AHR: variants seen among roughly 807,000 people sequenced by gnomAD.
The protein encoded by AHR is aryl hydrocarbon receptor.
Under a neutral mutation model 86.8 loss-of-function variants are expected in AHR, and 40 were observed. The ratio of observed to expected loss-of-function variants is 0.46; its 90% CI spans 0.36 to 0.60. The LOEUF (loss-of-function observed/expected upper bound fraction) is 0.60. AHR is among the 20% of genes least tolerant of loss of function. The pLI, the probability that AHR is intolerant of heterozygous loss-of-function variation, is 0.00. For missense variants in AHR, 1,001 were observed against 1,011.6 expected, an observed-to-expected ratio of 0.99 and a Z score of 0.14; for synonymous variants, 398 against 354.9, an observed-to-expected ratio of 1.12 and a Z score of -1.37.
chr7:17,313,865 C>T (rs1782090690), intron 2 of AHR, among the ~76,000 whole-genome samples: 1 of 151,950 alleles, frequency 6.6e-6, no homozygotes, highest in South Asian at 2.1e-4. Flanking sequence ...ATCTTTGAAA[C>T]TGGTTGATGT....
At chr7:17,317,616 A>G (rs189813283) in intron 2 of AHR, among the ~76,000 whole-genome samples, 2 of 152,256 alleles carry the variant, frequency 1.3e-5, no homozygotes, top group East Asian at 1.9e-4. Flanking sequence ...CTGTTTCTCA[A>G]AGAATGGCAC....
chr7:17,299,231 C>A lies in AHR; in HGVS notation c.-34C>A, dbSNP rs756138019. On this transcript the variant is annotated 5_prime_UTR_variant, in exon 1 of 11. Coordinates refer to ENST00000242057, the MANE Select transcript of AHR (RefSeq NM_001621.5). ...GGTTCCGGGGACCCGGCCGCCAGTG[C>A]CCGGGGAGTAGCCGCCGCCGTCGGC... The A allele has an allele frequency of 3.7e-6, 6 of 1,605,510 alleles. No individual in the cohort carries two copies. The East Asian group carries it at 1.4e-4, about 36-fold the overall frequency.
chr7:17,309,829 A>G (rs1782043518), intron 1 of AHR, 107 bp from the exon 2 acceptor site: 1 of 988,812 alleles, frequency 1.0e-6, no homozygotes, highest in African/African-American at 1.6e-5. Context: ...GTAGACTTTA[A>G]AAGTTTGTTG....
chr7:17,300,215 G>T (rs958740892), intron 1 of AHR, among the ~76,000 whole-genome samples: 1 of 152,126 alleles, frequency 6.6e-6, no homozygotes. Flanking sequence ...GTGTGTGTCA[G>T]AAAAAACTAT....
Position 17,343,232 on chromosome 7 carries a change from A to T in AHR, c.*168A>T, listed in dbSNP as rs1484662282. ...TTTAATTTTTGCTTTTAGAAAAGGG[A>T]GTTTAAAAATGGTATCAAAATTACA... On this transcript the variant is annotated 3_prime_UTR_variant, in exon 11 of 11. Transcript: ENST00000242057. The T allele has an allele frequency of 3.7e-6, 3 of 814,686 alleles. No individual in the cohort carries two copies. The African/African-American group carries it at 5.2e-5, about 14-fold the overall frequency. The allele number at this position is 814,686 out of a possible 1,614,324, so 50.5% of individuals were successfully genotyped here. A position where few individuals can be genotyped will look rare whatever the true frequency, so the allele number is the denominator to read the frequency against.
chr7:17,329,891 T>C, intron 4 of AHR, 61 bp from the exon 5 acceptor site: 1 of 1,473,910 alleles, frequency 6.8e-7, no homozygotes, highest in Non-Finnish European at 9.1e-7. Flanking sequence ...GCTTTAAAAT[T>C]AATTTAGCCA....
At chr7:17,326,038 C>T (rs1049868853) in intron 3 of AHR, among the ~76,000 whole-genome samples, 12 of 152,060 alleles carry the variant, frequency 7.9e-5, no homozygotes, top group Non-Finnish European at 1.2e-4. Context: ...TAAGTGAGTA[C>T]GCTTTGGAGC....
At chr7:17,322,192 T>C (rs1385022579) in intron 2 of AHR, among the ~76,000 whole-genome samples, 1 of 151,974 alleles carries the variant, frequency 6.6e-6, no homozygotes, top group Non-Finnish European at 1.5e-5. Flanking sequence ...TGTTGTGCAG[T>C]TCTTTGAAAC....
intron 2 of AHR, among the ~76,000 whole-genome samples, chr7:17,313,503 T>A (rs6956439): frequency 6.6e-6 from 1 of 152,306 alleles, no homozygotes; most frequent in South Asian, 2.1e-4. Flanking sequence ...AAAATACATC[T>A]ATTTATTGCA....
In AHR at chr7:17,340,077, G is replaced by A. The variant is rs1447260865; in HGVS notation, c.2252G>A (p.Gly751Glu). 1 of 1,614,014 alleles carries A rather than the reference G, an allele frequency of 6.2e-7. No individual in the cohort carries two copies. Among genetic ancestry groups the A allele is most frequent in the Non-Finnish European group, 8.5e-7 (1 of 1,180,030 alleles). Reference protein sequence around the residue: ...CLQLPENQKHGLNPQSAIITP... With the variant: ...CLQLPENQKHELNPQSAIITP... Reference sequence around the variant, plus strand: ...CAACTTCCTGAAAACCAAAAGCATGGATTAAATCCACAGTCAGCCATAATA... The same window carrying A: ...CAACTTCCTGAAAACCAAAAGCATGAATTAAATCCACAGTCAGCCATAATA... The change falls in exon 10 of 11, where the codon GGA becomes GAA. Residue 751 changes from glycine (G) to glutamate (E), a missense_variant. Gly to Glu is a moderately conservative substitution (Grantham distance 98, BLOSUM62 -2). Transcript: ENST00000242057.
chr7:17,319,855 T>G lies in AHR; in HGVS notation c.254-2646T>G, dbSNP rs1390643822. ...CTGAAAGGCCATGACATAAAATGTT[T>G]CCTGAAAAAGCACAGCAGTGTTTTT... is the stretch of plus-strand genomic sequence containing the variant. On this transcript the variant is annotated intron_variant, in intron 2 of 10. Transcript: ENST00000242057. 5.9e-5 allele frequency among the ~76,000 whole-genome samples: 9 copies of G among 152,248 alleles called. No homozygotes were observed. The South Asian group carries it at 1.7e-3, about 28-fold the overall frequency.
In AHR at chr7:17,333,964, G is replaced by A. The variant is rs1294448562; in HGVS notation, c.758G>A (p.Gly253Glu). 1.2e-6 allele frequency: 2 copies of A among 1,613,296 alleles called. No individual in the cohort carries two copies. Among genetic ancestry groups the A allele is most frequent in the African/African-American group, 2.7e-5 (2 of 74,872 alleles). Residue 253 changes from glycine to glutamate, a missense_variant, in exon 7 of 11, where the codon GGG becomes GAG. Gly to Glu is a moderately conservative substitution (Grantham distance 98, BLOSUM62 -2). Around this residue, in one of 2 missense-constraint regions of AHR, gnomAD observed 394 missense variants for 468.5 expected, o/e 0.84. Transcript: ENST00000242057. ...LKYLHGQKKK[G>E]KDGSILPPQL... Reference sequence around the variant, plus strand: ...TATCTTCATGGACAGAAAAAGAAAGGGAAAGATGGATCAATACTTCCACCT... The same window carrying A: ...TATCTTCATGGACAGAAAAAGAAAGAGAAAGATGGATCAATACTTCCACCT...
intron 8 of AHR, 131 bp from the exon 9 acceptor site, chr7:17,335,514 G>C (rs1268620932): frequency 2.8e-6 from 2 of 722,420 alleles, no homozygotes; most frequent in African/African-American, 1.8e-5. Flanking sequence ...ATTATTTTTT[G>C]TTTAAAATTT....
intron 9 of AHR, among the ~76,000 whole-genome samples, chr7:17,337,613 T>C (rs1025319961): frequency 2.0e-5 from 3 of 150,870 alleles, no homozygotes; most frequent in African/African-American, 7.3e-5. Context: ...TAGCTGGGAC[T>C]ACAGGCGCCC....
In AHR at chr7:17,330,075, G is replaced by A. The variant is rs781329790; in HGVS notation, c.574G>A (p.Glu192Lys). The A allele has an allele frequency of 6.2e-7, 1 of 1,605,354 alleles. No homozygotes were observed. Among genetic ancestry groups the A allele is most frequent in the South Asian group, 1.1e-5 (1 of 89,788 alleles). ...TACAGAGTCTGGACAAGGAATTGAAGGTAAGAATTGATGGTACAAAAAATA... is the reference window on the plus strand; with the variant it reads ...TACAGAGTCTGGACAAGGAATTGAAAGTAAGAATTGATGGTACAAAAAATA... Reference protein sequence around the residue: ...QCTESGQGIEEATGLPQTVVC... With the variant: ...QCTESGQGIEKATGLPQTVVC... Residue 192 changes from glutamate (E) to lysine (K), a missense_variant and splice_region_variant, in exon 5 of 11, where the codon GAA (glutamate) becomes AAA (lysine). Physicochemically the swap from Glu to Lys is moderately conservative, Grantham distance 56 (BLOSUM62 1). This residue lies in a region of AHR where 394 missense variants were observed against 468.5 expected (regional missense o/e 0.84). Transcript: ENST00000242057.
intron 6 of AHR, 72 bp from the exon 7 acceptor site, chr7:17,333,840 G>T (rs1782326735): frequency 1.6e-6 from 2 of 1,245,830 alleles, no homozygotes; most frequent in Non-Finnish European, 1.1e-6. Context: ...AGCCATAATG[G>T]AGCCTTTTAA....
intron 10 of AHR, among the ~76,000 whole-genome samples, chr7:17,341,617 T>C (rs999891149): frequency 3.3e-5 from 5 of 152,100 alleles, no homozygotes; most frequent in Admixed American, 2.0e-4. Context: ...CTAGTCCAAA[T>C]TGAGATGTGC....
At chr7:17,315,145 T>C (rs1241655579) in intron 2 of AHR, among the ~76,000 whole-genome samples, 1 of 152,022 alleles carries the variant, frequency 6.6e-6, no homozygotes, top group Non-Finnish European at 1.5e-5. Flanking sequence ...TAAACATGAA[T>C]AAATACAAAG....
At chr7:17,318,160 G>A (rs1185725765) in intron 2 of AHR, among the ~76,000 whole-genome samples, 1 of 152,094 alleles carries the variant, frequency 6.6e-6, no homozygotes. Flanking sequence ...CTGTTTAAAT[G>A]CAAACTATAG....
Sources: allele counts gnomAD v4.1 joint callset (sites outside exome capture counted in the v4.1 genomes callset), GRCh38; gene constraint gnomAD v4.1.1; regional missense constraint gnomAD v4.1.1; transcripts MANE v1.5; gene names NCBI Gene and HGNC (gene_info 2026-07-23, HGNC 2026-07-21).